Variants in CATSPERE observed in about 807,000 individuals in gnomAD.
CATSPERE encodes catsper channel auxiliary subunit epsilon, also known as cation channel sperm-associated auxiliary subunit epsilon.
In CATSPERE, 93 loss-of-function variants were observed where a neutral mutation model predicts 114.1. That is an observed-to-expected ratio of 0.81 (90% CI 0.69 to 0.97). The LOEUF is 0.97. CATSPERE is among the 50% of genes least tolerant of loss of function. The pLI, the probability that CATSPERE is intolerant of heterozygous loss-of-function variation, is 0.00. For missense variants in CATSPERE, 1,058 were observed against 1,131.6 expected, an observed-to-expected ratio of 0.93 and a Z score of 0.93; for synonymous variants, 341 against 384.1, an observed-to-expected ratio of 0.89 and a Z score of 1.31.
At chr1:244,618,230 T>TA (rs914378381) in intron 20 of CATSPERE, among the ~76,000 whole-genome samples, 3 of 152,072 alleles carry the variant, frequency 2.0e-5, no homozygotes, top group Non-Finnish European at 4.4e-5. Context: ...ATCACACTAA[T>TA]AACGGAATGG....
At chr1:244,629,507 T>TG (rs1285183948) in intron 20 of CATSPERE, among the ~76,000 whole-genome samples, 9 of 146,300 alleles carry the variant, frequency 6.2e-5, no homozygotes, top group African/African-American at 2.0e-4. Flanking sequence ...TCTTACCTTT[T>TG]TTTTTTTTTT....
chr1:244,453,338 T>C (rs1558288050), upstream of CATSPERE, among the ~76,000 whole-genome samples: 1 of 152,238 alleles, frequency 6.6e-6, no homozygotes, highest in Non-Finnish European at 1.5e-5. Context: ...TTCCATTCAA[T>C]TTTTTAAAAT....
At chr1:244,547,610 C>G (rs1572688372) in intron 8 of CATSPERE, among the ~76,000 whole-genome samples, 1 of 151,930 alleles carries the variant, frequency 6.6e-6, no homozygotes, top group East Asian at 1.9e-4. Flanking sequence ...GTTATTAGCT[C>G]AAAATAACCT....
intron 5 of CATSPERE, 89 bp from the exon 6 acceptor site, chr1:244,490,358 G>T (rs564804760): frequency 6.8e-6 from 6 of 884,836 alleles, no homozygotes; most frequent in Admixed American, 2.4e-5. Flanking sequence ...ATATGCAAAG[G>T]TTTAGAAACA....
intron 14 of CATSPERE, among the ~76,000 whole-genome samples, chr1:244,589,708 C>T (rs780572427): frequency 5.3e-5 from 8 of 152,166 alleles, no homozygotes; most frequent in Non-Finnish European, 1.0e-4. Flanking sequence ...TTCCCAGTAC[C>T]GCTGCATGCA....
At chr1:244,565,142 T>C (rs1385289032) in intron 10 of CATSPERE, among the ~76,000 whole-genome samples, 1 of 152,178 alleles carries the variant, frequency 6.6e-6, no homozygotes, top group African/African-American at 2.4e-5. Flanking sequence ...CTGCTGGATT[T>C]TGTTTGTCAG....
chr1:244,562,478 G>A (rs961007346), intron 10 of CATSPERE, among the ~76,000 whole-genome samples: 6 of 152,062 alleles, frequency 3.9e-5, no homozygotes, highest in African/African-American at 1.2e-4. Context: ...CAGAGATTAC[G>A]AATATTTAAA....
At chr1:244,460,722 T>TG (rs1257662537), upstream of CATSPERE, among the ~76,000 whole-genome samples, 6 of 152,240 alleles carry the variant, frequency 3.9e-5, no homozygotes, top group African/African-American at 1.4e-4. Flanking sequence ...GAGACCAGCC[T>TG]GGGCAAGATG....
chr1:244,579,696 A>G (rs190083380), intron 11 of CATSPERE, among the ~76,000 whole-genome samples: 1 of 152,376 alleles, frequency 6.6e-6, no homozygotes, highest in East Asian at 1.9e-4. Context: ...GCAATGAAAC[A>G]TTGCATTTTG....
At chr1:244,556,820 T>G (rs946426778) in intron 9 of CATSPERE, among the ~76,000 whole-genome samples, 5 of 152,166 alleles carry the variant, frequency 3.3e-5, no homozygotes, top group African/African-American at 9.6e-5. Flanking sequence ...AAGCTGCAGG[T>G]TACAAAATCA....
At chr1:244,615,473 C>T (rs1450113310) in intron 19 of CATSPERE, among the ~76,000 whole-genome samples, 3 of 151,612 alleles carry the variant, frequency 2.0e-5, no homozygotes, top group East Asian at 1.9e-4. Flanking sequence ...AGAGCACTTA[C>T]ACAAACGTAG....
In CATSPERE at chr1:244,573,213, C is replaced by T. The variant is rs1664725672; in HGVS notation, c.1950+441C>T. 6.6e-6 allele frequency among the ~76,000 whole-genome samples: 1 copy of T among 152,062 alleles called. No homozygotes were observed. Among genetic ancestry groups the T allele is most frequent in the Non-Finnish European group, 1.5e-5 (1 of 68,006 alleles). On this transcript the variant is annotated intron_variant, in intron 11 of 21. Coordinates refer to ENST00000366534, the MANE Select transcript of CATSPERE (RefSeq NM_001130957.2). This position sits in a 1 kb window ranked among gnomAD's most constrained non-coding sequence, Gnocchi z 4.0. ...GATCACGAGGTCAGGAGATCGAGAC[C>T]ATCCTGGCTAACACAGTGAAACCCC...
chr1:244,607,457 C>G lies in CATSPERE; in HGVS notation c.2403+1663C>G, dbSNP rs1157050541. ...AACAATCACCATGGATTCCTGAATT[C>G]TGCCATCCATCCTATGAGGGTATTG... On this transcript the variant is annotated intron_variant, in intron 18 of 21. Coordinates refer to ENST00000366534, the MANE Select transcript of CATSPERE (RefSeq NM_001130957.2). The surrounding 1 kb of genome is among the most constrained non-coding windows in gnomAD (Gnocchi z 4.4). Among the ~76,000 whole-genome samples, 2 of 152,220 alleles carry G rather than the reference C, an allele frequency of 1.3e-5. No homozygotes were observed. Among genetic ancestry groups the G allele is most frequent in the African/African-American group, 2.4e-5 (1 of 41,464 alleles).
chr1:244,516,524 GT>G lies in CATSPERE; in HGVS notation c.430-2057del, dbSNP rs917020113. On this transcript the variant is annotated intron_variant, in intron 7 of 21. Transcript: ENST00000366534. ...CACCGTGCCATGCTAAAAGGGTTTT[GT>G]TTTTTTTTTTCTTTTGGAGACGGAG... is the stretch of plus-strand genomic sequence containing the variant. Among the ~76,000 whole-genome samples the G allele has an allele frequency of 1.8e-4, 26 of 142,290 alleles. No individual in the cohort carries two copies. The East Asian group carries it at 2.7e-3, about 15-fold the overall frequency. 93.3% of individuals were successfully genotyped at this position (142,290 alleles called of 152,430 possible). A position where few individuals can be genotyped will look rare whatever the true frequency, so the allele number is the denominator to read the frequency against.
upstream of CATSPERE, chr1:244,451,905 C>G: frequency 7.4e-7 from 1 of 1,348,560 alleles, no homozygotes. The surrounding 1 kb of genome is among the most constrained non-coding windows in gnomAD (Gnocchi z 6.6). Context: ...CAGCCACATG[C>G]AGAGGAAGAA....
intron 13 of CATSPERE, among the ~76,000 whole-genome samples, chr1:244,585,493 A>G (rs1666900593): frequency 6.6e-6 from 1 of 152,164 alleles, no homozygotes. Flanking sequence ...GTGTAGAGGC[A>G]GGTCCTCTAC....
chr1:244,483,659 A>G (rs1558341561), intron 5 of CATSPERE, among the ~76,000 whole-genome samples: 1 of 151,928 alleles, frequency 6.6e-6, no homozygotes, highest in African/African-American at 2.4e-5. Flanking sequence ...CTTTTGAGTT[A>G]TTTTTATTTT....
At chr1:244,536,176 C>G (rs1215704200) in intron 8 of CATSPERE, among the ~76,000 whole-genome samples, 1 of 151,700 alleles carries the variant, frequency 6.6e-6, no homozygotes, top group Admixed American at 6.6e-5. Context: ...TCTCCTCAAG[C>G]AGAAGGAAGG....
intron 9 of CATSPERE, among the ~76,000 whole-genome samples, chr1:244,554,724 T>TC (rs1661319713): frequency 6.6e-6 from 1 of 151,660 alleles, no homozygotes; most frequent in African/African-American, 2.4e-5. Flanking sequence ...AATGGGATTT[T>TC]TTTTAACTAT....
Sources: gnomAD v4.1 joint callset for allele counts (sites outside exome capture counted in the v4.1 genomes callset) on GRCh38, gnomAD v4.1.1 for gene constraint, Gnocchi (gnomAD v3.1) non-coding constraint, MANE v1.5 for transcripts, NCBI Gene and HGNC (gene_info 2026-07-23, HGNC 2026-07-21) for gene names.